The following GRIA4 variants were observed in gnomAD, a reference collection of about 807,000 sequenced individuals.
GRIA4 encodes glutamate ionotropic receptor AMPA type subunit 4, also known as glutamate receptor 4.
A neutral mutation model predicts 104.0 loss-of-function variants in GRIA4; 34 were observed. That is an observed-to-expected ratio of 0.33 (90% CI 0.25 to 0.44). The LOEUF (loss-of-function observed/expected upper bound fraction) is 0.44, where lower values mean the gene tolerates loss of function less well. Ranked by LOEUF, GRIA4 falls within the 20% of genes least tolerant of loss-of-function variation. The pLI, the probability that GRIA4 is intolerant of heterozygous loss-of-function variation, is 1.00. For missense variants in GRIA4, 750 were observed against 1,096.5 expected, an observed-to-expected ratio of 0.68 and a Z score of 4.46; for synonymous variants, 386 against 381.9, an observed-to-expected ratio of 1.01 and a Z score of -0.13.
At chr11:105,926,086 A>G (rs1947695597) in intron 12 of GRIA4, among the ~76,000 whole-genome samples, 1 of 152,112 alleles carries the variant, frequency 6.6e-6, no homozygotes, top group African/African-American at 2.4e-5. Context: ...CACTTAGCTC[A>G]GGAATGGACT....
At chr11:105,674,777 C>A (rs1952482892) in intron 3 of GRIA4, among the ~76,000 whole-genome samples, 2 of 151,896 alleles carry the variant, frequency 1.3e-5, no homozygotes, top group Non-Finnish European at 2.9e-5. Context: ...AAAATGGAAT[C>A]TTACTTTACT....
chr11:105,614,943 T>C (rs887302063), intron 3 of GRIA4, among the ~76,000 whole-genome samples: 7 of 151,942 alleles, frequency 4.6e-5, no homozygotes, highest in Non-Finnish European at 1.0e-4. Context: ...AGGGTAAAAA[T>C]AGGTCTTGAA....
chr11:105,632,023 G>A (rs1591470120), intron 3 of GRIA4, among the ~76,000 whole-genome samples: 1 of 152,132 alleles, frequency 6.6e-6, no homozygotes, highest in East Asian at 1.9e-4. Flanking sequence ...GTGTTGGAGG[G>A]AGGGAAAACA....
chr11:105,931,717 A>C (rs1591458914), intron 13 of GRIA4, among the ~76,000 whole-genome samples: 1 of 152,254 alleles, frequency 6.6e-6, no homozygotes, highest in South Asian at 2.1e-4. Flanking sequence ...CCCTCAAAAA[A>C]AAAATGAATA....
At chr11:105,901,199 T>C (rs187162104) in intron 7 of GRIA4, among the ~76,000 whole-genome samples, 3 of 152,302 alleles carry the variant, frequency 2.0e-5, no homozygotes, top group Non-Finnish European at 4.4e-5. Flanking sequence ...ATCCTCATAA[T>C]AATCACAATA....
intron 4 of GRIA4, among the ~76,000 whole-genome samples, chr11:105,813,727 T>C (rs1402457151): frequency 2.0e-5 from 3 of 152,152 alleles, no homozygotes; most frequent in Admixed American, 1.3e-4. Flanking sequence ...AGGATTCCAG[T>C]AGTGTTCTTC....
chr11:105,915,809 T>C (rs953472616), intron 10 of GRIA4, among the ~76,000 whole-genome samples: 1 of 152,186 alleles, frequency 6.6e-6, no homozygotes, highest in African/African-American at 2.4e-5. Flanking sequence ...TTTCCAGATA[T>C]TTCATTAAGT....
chr11:105,829,094 T>TACACACACACACACAC (rs146841671), intron 4 of GRIA4, among the ~76,000 whole-genome samples: 7,075 of 151,096 alleles, frequency 0.047, 388 homozygotes, highest in African/African-American at 0.13. Context: ...CAGTGATGTA[T>TACACACACACACACAC]ACACACACAC....
chr11:105,902,960 G>A (rs1213277504), intron 7 of GRIA4, among the ~76,000 whole-genome samples: 1 of 152,106 alleles, frequency 6.6e-6, no homozygotes, highest in Admixed American at 6.5e-5. Context: ...TACCACAAGC[G>A]ATCCCATGTT....
intron 3 of GRIA4, chr11:105,707,557 A>C (rs778014927): frequency 6.6e-6 from 1 of 152,162 alleles, no homozygotes; most frequent in Non-Finnish European, 1.5e-5. Context: ...TTGCGCTCAA[A>C]TTCAGTGTGT....
At chr11:105,827,627 C>T (rs932254739) in intron 4 of GRIA4, among the ~76,000 whole-genome samples, 4 of 151,920 alleles carry the variant, frequency 2.6e-5, no homozygotes, top group African/African-American at 9.7e-5. Context: ...CTAAAAAAAA[C>T]TGTCAAAATT....
At chr11:105,836,807 G>C (rs1944205029) in intron 4 of GRIA4, among the ~76,000 whole-genome samples, 1 of 152,140 alleles carries the variant, frequency 6.6e-6, no homozygotes, top group Non-Finnish European at 1.5e-5. Context: ...GTGCAGGGAT[G>C]AATTTACTAT....
intron 3 of GRIA4, among the ~76,000 whole-genome samples, chr11:105,741,353 T>C (rs1371431469): frequency 6.6e-6 from 1 of 152,068 alleles, no homozygotes; most frequent in Non-Finnish European, 1.5e-5. Context: ...AGTCTGAAGC[T>C]CATGGAAAAG....
chr11:105,873,560 A>G (rs1390802633), intron 5 of GRIA4, among the ~76,000 whole-genome samples: 1 of 151,996 alleles, frequency 6.6e-6, no homozygotes, highest in Admixed American at 6.6e-5. Flanking sequence ...AATTGTTTCC[A>G]TTTCTCCACA....
chr11:105,812,418 T>C (rs1943211682), intron 4 of GRIA4, among the ~76,000 whole-genome samples: 1 of 152,242 alleles, frequency 6.6e-6, no homozygotes, highest in Non-Finnish European at 1.5e-5. Context: ...TAGTGGTCCA[T>C]GTGAGGGCTT....
chr11:105,794,475 A>ATGTATATG (rs1425628825), intron 4 of GRIA4, among the ~76,000 whole-genome samples: 2 of 61,316 alleles, frequency 3.3e-5, no homozygotes, highest in East Asian at 8.8e-4. Context: ...ATATGTATGT[A>ATGTATATG]TATATATATA....
At chr11:105,650,707 T>G (rs559447250) in intron 3 of GRIA4, among the ~76,000 whole-genome samples, 1 of 152,150 alleles carries the variant, frequency 6.6e-6, no homozygotes, top group Non-Finnish European at 1.5e-5. Flanking sequence ...TGGTCTAGTG[T>G]AGGGCAAAGG....
chr11:105,794,128 T>A (rs1012275329), intron 4 of GRIA4, among the ~76,000 whole-genome samples: 1 of 151,964 alleles, frequency 6.6e-6, no homozygotes, highest in East Asian at 1.9e-4. Flanking sequence ...TTAAGGGTAA[T>A]GACAATCACT....
At chr11:105,907,922 A>T (rs1052361057) in intron 9 of GRIA4, among the ~76,000 whole-genome samples, 4 of 152,164 alleles carry the variant, frequency 2.6e-5, no homozygotes, top group Admixed American at 2.6e-4. Context: ...TCAAACCAAA[A>T]TTCCTGAAGC....
Sources: gnomAD v4.1 joint callset for allele counts (sites outside exome capture counted in the v4.1 genomes callset) on GRCh38, gnomAD v4.1.1 for gene constraint, MANE v1.5 for transcripts, NCBI Gene and HGNC (gene_info 2026-07-23, HGNC 2026-07-21) for gene names.